The following TAFA1 variants were observed in gnomAD, a reference collection of about 807,000 sequenced individuals.
TAFA1 encodes the protein chemokine-like protein TAFA-1.
In TAFA1, 4 loss-of-function variants were observed where a neutral mutation model predicts 18.5. The ratio of observed to expected loss-of-function variants is 0.22; its 90% confidence interval spans 0.11 to 0.49. The LOEUF (loss-of-function observed/expected upper bound fraction) is 0.49. TAFA1 is among the 20% of genes least tolerant of loss of function. TAFA1 has a pLI of 0.98. For missense variants in TAFA1, 147 were observed against 169.0 expected (o/e 0.87, Z 0.72); for synonymous variants, 56 against 55.2 (o/e 1.01, Z -0.06).
At chr3:68,416,104 C>T (rs1316591494) in intron 2 of TAFA1, among the ~76,000 whole-genome samples, 1 of 152,100 alleles carries the variant, frequency 6.6e-6, no homozygotes, top group Non-Finnish European at 1.5e-5. Context: ...GAAATATCTC[C>T]AAACTGGCCA....
intron 2 of TAFA1, among the ~76,000 whole-genome samples, chr3:68,257,047 T>C (rs2067312733): frequency 6.6e-6 from 1 of 152,114 alleles, no homozygotes; most frequent in African/African-American, 2.4e-5. Flanking sequence ...TCATCTCATG[T>C]CTTCCCTCAC....
At chr3:68,167,300 G>A (rs1038165913) in intron 2 of TAFA1, among the ~76,000 whole-genome samples, 1 of 152,194 alleles carries the variant, frequency 6.6e-6, no homozygotes, top group Non-Finnish European at 1.5e-5. Flanking sequence ...AAATGCGGCC[G>A]GGCGCCGTGG....
intron 2 of TAFA1, among the ~76,000 whole-genome samples, chr3:68,234,757 A>C (rs2066908491): frequency 1.3e-5 from 2 of 152,188 alleles, no homozygotes; most frequent in Non-Finnish European, 2.9e-5. Context: ...CAACAAAAAA[A>C]CCAATGTCAT....
rs138482326 is a variant in TAFA1 at position 68,539,557 on chromosome 3, A to G, written c.384+677A>G. Among the ~76,000 whole-genome samples, 324 of 151,964 alleles carry G rather than the reference A, an allele frequency of 2.1e-3. 1 individual carries two copies. The highest frequency in any genetic ancestry group is 7.5e-3 in the African/African-American group (310 of 41,458). The stretch of plus-strand genomic sequence containing the variant: ...GGGAGATGCTCCGGATGCTTAAGAT[A>G]GTAATTATATATCCACTAATAAAAA... On this transcript the variant is annotated intron_variant, in intron 4 of 4. Transcript: ENST00000478136.
chr3:68,414,320 C>G (rs1260031981), intron 2 of TAFA1, among the ~76,000 whole-genome samples: 5 of 152,162 alleles, frequency 3.3e-5, no homozygotes, highest in Non-Finnish European at 4.4e-5. Context: ...AACAAACAAA[C>G]AAACAAAACA....
intron 2 of TAFA1, among the ~76,000 whole-genome samples, chr3:68,339,569 C>G (rs2069044887): frequency 6.6e-6 from 1 of 152,130 alleles, no homozygotes; most frequent in East Asian, 1.9e-4. Context: ...TCTTTTGATG[C>G]TTTATTTGGT....
At chr3:68,286,035 A>G (rs2067995766) in intron 2 of TAFA1, among the ~76,000 whole-genome samples, 1 of 151,954 alleles carries the variant, frequency 6.6e-6, no homozygotes, top group Non-Finnish European at 1.5e-5. Flanking sequence ...ACATGGTGAA[A>G]TCCCGTCTCT....
intron 3 of TAFA1, among the ~76,000 whole-genome samples, chr3:68,447,212 A>G (rs2071485107): frequency 6.6e-6 from 1 of 152,210 alleles, no homozygotes; most frequent in Non-Finnish European, 1.5e-5. Context: ...CACACAATGC[A>G]GCCTCCTAAG....
chr3:68,203,905 A>G lies in TAFA1; in HGVS notation c.118+197161A>G, dbSNP rs190376020. On this transcript the variant is annotated intron_variant, in intron 2 of 4. Coordinates refer to ENST00000478136, the MANE Select transcript of TAFA1 (RefSeq NM_213609.4). ...AGATTTCTCCAATATTCACTGTGAG[A>G]ACCTGGTTGAGTTCCTGGAGGTTAA... is the stretch of plus-strand genomic sequence containing the variant. Among the ~76,000 whole-genome samples the G allele has an allele frequency of 6.8e-4, 103 of 151,586 alleles. 1 individual carries two copies. In the Middle Eastern group the frequency reaches 0.01, roughly 15 times the overall value.
chr3:68,475,265 C>G (rs1289154947), intron 3 of TAFA1, among the ~76,000 whole-genome samples: 1 of 151,882 alleles, frequency 6.6e-6, no homozygotes, highest in African/African-American at 2.4e-5. Context: ...CCTATTAACT[C>G]ATCATTTAGC....
intron 3 of TAFA1, among the ~76,000 whole-genome samples, chr3:68,537,091 T>C (rs1486329324): frequency 6.6e-6 from 1 of 152,138 alleles, no homozygotes; most frequent in Non-Finnish European, 1.5e-5. Flanking sequence ...CCTCAGTCAT[T>C]CTGAAGAGTA....
chr3:68,068,105 T>C (rs1300811026), intron 2 of TAFA1, among the ~76,000 whole-genome samples: 1 of 152,192 alleles, frequency 6.6e-6, no homozygotes, highest in African/African-American at 2.4e-5. Flanking sequence ...ATCACCTGGC[T>C]TTGGGCATTG....
intron 2 of TAFA1, among the ~76,000 whole-genome samples, chr3:68,262,468 G>A (rs1467385163): frequency 6.7e-6 from 1 of 150,216 alleles, no homozygotes; most frequent in Non-Finnish European, 1.5e-5. Flanking sequence ...CATATCTATT[G>A]TTCCTATGTT....
At chr3:68,375,279 G>C (rs1014641268) in intron 2 of TAFA1, among the ~76,000 whole-genome samples, 3 of 152,104 alleles carry the variant, frequency 2.0e-5, no homozygotes, top group African/African-American at 7.2e-5. Flanking sequence ...AGACAGTGGT[G>C]TTATCATTTG....
At chr3:68,176,120 T>C (rs980317542) in intron 2 of TAFA1, among the ~76,000 whole-genome samples, 2 of 152,162 alleles carry the variant, frequency 1.3e-5, no homozygotes, top group African/African-American at 2.4e-5. Context: ...TCATTGAACC[T>C]TTTTTTCTTC....
At chr3:68,114,401 G>T in intron 2 of TAFA1, among the ~76,000 whole-genome samples, 1 of 152,288 alleles carries the variant, frequency 6.6e-6, no homozygotes, top group South Asian at 2.1e-4. Context: ...TTGTCACTCA[G>T]CAACAGCTAA....
chr3:68,457,449 T>C lies in TAFA1; in HGVS notation c.259+40029T>C, dbSNP rs557354868. On this transcript the variant is annotated intron_variant, in intron 3 of 4. Transcript: ENST00000478136. Reference sequence around the variant, plus strand: ...GTAGTTCATCTGCTAGTTTTTCAAATTGTCACATGTCTAAAAAATTGTTTT... The same window carrying C: ...GTAGTTCATCTGCTAGTTTTTCAAACTGTCACATGTCTAAAAAATTGTTTT... 2.6e-5 allele frequency among the ~76,000 whole-genome samples: 4 copies of C among 152,288 alleles called. No individual in the cohort carries two copies. The East Asian group carries it at 5.8e-4, about 22-fold the overall frequency.
chr3:68,533,127 T>G (rs1365401093), intron 3 of TAFA1, among the ~76,000 whole-genome samples: 1 of 149,990 alleles, frequency 6.7e-6, no homozygotes, highest in African/African-American at 2.4e-5. Context: ...AGGTGAGCGG[T>G]CGCATCCTTA....
At chr3:68,005,384 CT>C (rs1323949449) in intron 1 of TAFA1, among the ~76,000 whole-genome samples, 4 of 152,188 alleles carry the variant, frequency 2.6e-5, no homozygotes, top group African/African-American at 9.7e-5. Flanking sequence ...CTGCTTTGCA[CT>C]TAATTATAGT....
Sources: allele counts gnomAD v4.1 joint callset (sites outside exome capture counted in the v4.1 genomes callset), GRCh38; gene constraint gnomAD v4.1.1; transcripts MANE v1.5; gene names NCBI Gene and HGNC (gene_info 2026-07-23, HGNC 2026-07-21).